COMMD1: variants seen among roughly 807,000 people sequenced by gnomAD.
COMMD1 encodes COMM domain-containing protein 1.
In COMMD1, 10 loss-of-function variants were observed where a neutral mutation model predicts 17.2. The observed-to-expected ratio is 0.58, with a 90% CI of 0.36 to 0.99. COMMD1 has a LOEUF of 0.99. Ranked by LOEUF, COMMD1 falls within the 50% of genes least tolerant of loss-of-function variation. The probability of loss-of-function intolerance (pLI) is 0.01; values close to 1 mark genes in which losing one functional copy is unlikely to be tolerated. For missense variants in COMMD1, 270 were observed against 231.8 expected (o/e 1.17, Z -1.07); for synonymous variants, 97 against 91.6 (o/e 1.06, Z -0.34).
chr2:61,995,728 C>T (rs1176279116), intron 1 of COMMD1, among the ~76,000 whole-genome samples: 1 of 152,220 alleles, frequency 6.6e-6, no homozygotes, highest in African/African-American at 2.4e-5. Flanking sequence ...CTGCACTTAT[C>T]TCATGGTGCT....
At chr2:62,131,879 A>AACACAC (rs749225382) in intron 2 of COMMD1, among the ~76,000 whole-genome samples, 2 of 139,498 alleles carry the variant, frequency 1.4e-5, no homozygotes, top group African/African-American at 2.8e-5. Flanking sequence ...CACACACACA[A>AACACAC]ACACACACAC....
chr2:61,957,084 A>ATGCG (rs1553372425), intron 1 of COMMD1, among the ~76,000 whole-genome samples: 2 of 87,824 alleles, frequency 2.3e-5, no homozygotes, highest in African/African-American at 8.9e-5. Flanking sequence ...AGGAAGATGG[A>ATGCG]TGCGTGTGTG....
chr2:61,935,065 A>G (rs1670568885), intron 1 of COMMD1, among the ~76,000 whole-genome samples: 1 of 152,162 alleles, frequency 6.6e-6, no homozygotes. Context: ...TTAATAAGTT[A>G]TTTTAGTTTA....
intron 2 of COMMD1, among the ~76,000 whole-genome samples, chr2:62,002,928 T>G (rs562503803): frequency 6.6e-6 from 1 of 152,022 alleles, no homozygotes; most frequent in Admixed American, 6.6e-5. Context: ...GACTAGTTTG[T>G]CTGATCCTAA....
chr2:61,951,480 T>A (rs1221824216), intron 1 of COMMD1, among the ~76,000 whole-genome samples: 2 of 151,960 alleles, frequency 1.3e-5, no homozygotes, highest in African/African-American at 2.4e-5. Context: ...AAAAAAATCT[T>A]TCTGCATCTT....
At chr2:62,100,448 C>T (rs1672145821) in intron 2 of COMMD1, 1 of 152,176 alleles carries the variant, frequency 6.6e-6, no homozygotes, top group Admixed American at 6.5e-5. Context: ...GATCAGGGCA[C>T]AGCTTGGTTT....
chr2:62,056,948 A>G (rs1670721361), intron 2 of COMMD1, among the ~76,000 whole-genome samples: 1 of 152,218 alleles, frequency 6.6e-6, no homozygotes, highest in Non-Finnish European at 1.5e-5. Context: ...AATGCACTCA[A>G]AAGCCTTCCG....
At chr2:61,895,140 A>T (rs762763847) in intron 1 of COMMD1, among the ~76,000 whole-genome samples, 3 of 152,240 alleles carry the variant, frequency 2.0e-5, no homozygotes, top group Non-Finnish European at 2.9e-5. Context: ...CTTATGGAAT[A>T]AGAGAGATTT....
At chr2:62,057,885 A>G (rs1309656480) in intron 2 of COMMD1, among the ~76,000 whole-genome samples, 1 of 151,950 alleles carries the variant, frequency 6.6e-6, no homozygotes, top group East Asian at 1.9e-4. Flanking sequence ...AATATTTTCT[A>G]ATTAATTTCA....
At chr2:61,962,963 C>G (rs1671396132) in intron 1 of COMMD1, among the ~76,000 whole-genome samples, 1 of 152,032 alleles carries the variant, frequency 6.6e-6, no homozygotes, top group South Asian at 2.1e-4. Flanking sequence ...GAATTTAAGA[C>G]CAGCCTGGCC....
chr2:62,099,527 C>G (rs549719886), intron 2 of COMMD1, among the ~76,000 whole-genome samples: 7 of 151,834 alleles, frequency 4.6e-5, no homozygotes, highest in East Asian at 1.9e-4. Flanking sequence ...GGGGACCGCT[C>G]TCCTTGCCTT....
intron 2 of COMMD1, among the ~76,000 whole-genome samples, chr2:62,078,751 C>A (rs753177828): frequency 6.6e-6 from 1 of 151,220 alleles, no homozygotes; most frequent in Non-Finnish European, 1.5e-5. Flanking sequence ...GTGGCACATG[C>A]CTGTAATCCC....
chr2:62,112,024 T>C (rs1157981483), intron 2 of COMMD1, among the ~76,000 whole-genome samples: 1 of 152,194 alleles, frequency 6.6e-6, no homozygotes, highest in Non-Finnish European at 1.5e-5. Context: ...GTGAGGAAAA[T>C]ACACAGATGT....
chr2:62,104,503 G>A (rs1276275211), intron 2 of COMMD1, among the ~76,000 whole-genome samples: 4 of 151,570 alleles, frequency 2.6e-5, no homozygotes, highest in African/African-American at 7.3e-5. Context: ...GCGTGGTGAT[G>A]GGCACCTGTA....
intron 2 of COMMD1, among the ~76,000 whole-genome samples, chr2:62,034,619 A>G (rs13413236): frequency 0.13 from 19,561 of 152,186 alleles, 3,090 homozygotes; most frequent in African/African-American, 0.37. Context: ...CAGATGTTTA[A>G]GGCTCAACTC....
chr2:61,915,816 T>G lies in COMMD1; in HGVS notation c.180+9958T>G, dbSNP rs534670600. 4 of 343,882 alleles carry G rather than the reference T, an allele frequency of 1.2e-5. No homozygotes were observed. In the East Asian group the frequency reaches 2.7e-4, roughly 23 times the overall value. The allele number at this position is 343,882 out of a possible 1,614,324, so 21.3% of individuals were successfully genotyped here. On this transcript the variant is annotated intron_variant, in intron 1 of 2. Transcript: ENST00000311832. ...TGGCCTTTTATAGCCTTTATTTAAC[T>G]TATTTATTTTATTTAGTTTTTTTGA...
intron 1 of COMMD1, among the ~76,000 whole-genome samples, chr2:61,936,791 C>A (rs1011764325): frequency 6.6e-6 from 1 of 152,074 alleles, no homozygotes; most frequent in African/African-American, 2.4e-5. Flanking sequence ...GATATGAACC[C>A]AAAATATGAG....
chr2:61,941,963 A>T (rs1670760354), intron 1 of COMMD1, among the ~76,000 whole-genome samples: 2 of 152,140 alleles, frequency 1.3e-5, no homozygotes, highest in Non-Finnish European at 2.9e-5. Flanking sequence ...CTCAGAGGTA[A>T]CTTTATTTGT....
At chr2:61,965,673 A>G (rs1050189161) in intron 1 of COMMD1, among the ~76,000 whole-genome samples, 1 of 152,326 alleles carries the variant, frequency 6.6e-6, no homozygotes, top group South Asian at 2.1e-4. Flanking sequence ...GTGGTTACTA[A>G]ATGTGCAAAA....
Sources: gnomAD v4.1 joint callset for allele counts (sites outside exome capture counted in the v4.1 genomes callset) on GRCh38, gnomAD v4.1.1 for gene constraint, MANE v1.5 for transcripts, NCBI Gene and HGNC (gene_info 2026-07-23, HGNC 2026-07-21) for gene names.